Variants in PROM1 observed in about 807,000 individuals in gnomAD.
PROM1 encodes prominin-1.
A neutral mutation model predicts 116.9 loss-of-function variants in PROM1; 105 were observed. The ratio of observed to expected loss-of-function variants is 0.90; its 90% confidence interval spans 0.77 to 1.06. The LOEUF is 1.06. Among genes scored for constraint, PROM1 ranks in the 50% least tolerant of loss-of-function variants. PROM1 has a pLI of 0.00. For missense variants in PROM1, 1,122 were observed against 1,045.2 expected, an observed-to-expected ratio of 1.07 and a Z score of -1.01; for synonymous variants, 393 against 387.0, an observed-to-expected ratio of 1.02 and a Z score of -0.18.
chr4:16,020,761 G>A (rs972680609), intron 8 of PROM1, among the ~76,000 whole-genome samples: 1 of 152,088 alleles, frequency 6.6e-6, no homozygotes, highest in Non-Finnish European at 1.5e-5. Flanking sequence ...TCTAGCCCAT[G>A]GATAATATTC....
chr4:16,054,727 G>A (rs141576182), intron 2 of PROM1, among the ~76,000 whole-genome samples: 22 of 152,122 alleles, frequency 1.4e-4, no homozygotes, highest in Middle Eastern at 3.4e-3. Flanking sequence ...CTTCAAATGA[G>A]ACCCCTTCAA....
chr4:15,987,616 G>T, intron 20 of PROM1, 47 bp downstream of exon 20: 1 of 1,547,776 alleles, frequency 6.5e-7, no homozygotes, highest in Non-Finnish European at 8.8e-7. Flanking sequence ...TCTTTGTGTG[G>T]TATTTTATAA....
intron 23 of PROM1, among the ~76,000 whole-genome samples, chr4:15,984,020 CAGG>C (rs139332768): frequency 2.0e-5 from 3 of 152,296 alleles, no homozygotes; most frequent in African/African-American, 7.2e-5. Context: ...TCTGAACTAA[CAGG>C]AGTTTTCTCC....
chr4:15,990,501 G>A (rs528053701), intron 18 of PROM1, among the ~76,000 whole-genome samples: 3 of 152,286 alleles, frequency 2.0e-5, no homozygotes, highest in Admixed American at 6.5e-5. Flanking sequence ...CACAGCCCCA[G>A]GTACTATTCC....
At chr4:16,035,071 A>C (rs963579136) in intron 4 of PROM1, among the ~76,000 whole-genome samples, 5 of 152,222 alleles carry the variant, frequency 3.3e-5, no homozygotes, top group Admixed American at 6.5e-5. Flanking sequence ...CTTAAAAAAA[A>C]GAGTGGCTGA....
chr4:16,010,303 T>G (rs1438438569), intron 11 of PROM1, among the ~76,000 whole-genome samples: 2 of 152,144 alleles, frequency 1.3e-5, no homozygotes, highest in South Asian at 4.1e-4. Flanking sequence ...TGTATCCAAG[T>G]GATTCTTGAC....
At chr4:16,050,396 C>T (rs1190594029) in intron 2 of PROM1, among the ~76,000 whole-genome samples, 6 of 152,128 alleles carry the variant, frequency 3.9e-5, no homozygotes, top group Non-Finnish European at 7.4e-5. Flanking sequence ...GTCTGTTGCC[C>T]GTGCTAGAGT....
intron 2 of PROM1, among the ~76,000 whole-genome samples, chr4:16,039,851 A>T (rs550298337): frequency 6.6e-6 from 1 of 152,302 alleles, no homozygotes; most frequent in African/African-American, 2.4e-5. Flanking sequence ...GAGTATTTGC[A>T]AATTCTCACA....
At position 16,057,218 on chromosome 4, in the gene PROM1, A is replaced by C. The variant is rs140934961; in HGVS notation, c.221-18217T>G. Among the ~76,000 whole-genome samples, 400 of 152,324 alleles carry C rather than the reference A, an allele frequency of 2.6e-3. 2 individuals are homozygous for C. The highest frequency in any genetic ancestry group is 8.9e-3 in the African/African-American group (368 of 41,574). ...TGGCACATAAAACTCAGCATGTCAC[A>C]ATCAATCACCCTTCTGGAAGCCTGC... On this transcript the variant is annotated intron_variant, in intron 2 of 27. Coordinates refer to ENST00000447510, the MANE Select transcript of PROM1 (RefSeq NM_006017.3).
chr4:16,024,572 T>C (rs1023510769), intron 6 of PROM1, among the ~76,000 whole-genome samples: 3 of 152,194 alleles, frequency 2.0e-5, no homozygotes, highest in African/African-American at 7.2e-5. Context: ...AAAACGATGT[T>C]CTGAATAGGT....
chr4:16,036,194 T>C (rs1406752508), intron 3 of PROM1, among the ~76,000 whole-genome samples: 2 of 152,206 alleles, frequency 1.3e-5, no homozygotes, highest in African/African-American at 2.4e-5. Flanking sequence ...TTCCCATGCT[T>C]AAAGCGATCA....
chr4:16,038,902 CATACTTCGTATTTTTA>C, intron 3 of PROM1, 28 bp downstream of exon 3: 2 of 1,437,102 alleles, frequency 1.4e-6, no homozygotes, highest in Non-Finnish European at 1.8e-6. Flanking sequence ...AAATTTTTCT[CATACTTCGTATTTTTA>C]ATAATAAATA....
intron 13 of PROM1, among the ~76,000 whole-genome samples, chr4:16,001,796 T>C (rs1255016926): frequency 1.3e-5 from 2 of 152,030 alleles, no homozygotes; most frequent in South Asian, 2.1e-4. Context: ...AGGAGAGCTA[T>C]AGGGAAGAGG....
intron 5 of PROM1, among the ~76,000 whole-genome samples, chr4:16,027,430 A>T (rs943078017): frequency 2.6e-5 from 4 of 152,108 alleles, no homozygotes; most frequent in Non-Finnish European, 1.5e-5. Context: ...GATGTTCACA[A>T]TGGGGACTCT....
intron 23 of PROM1, among the ~76,000 whole-genome samples, chr4:15,983,154 T>A (rs567844527): frequency 7.9e-5 from 12 of 152,266 alleles, no homozygotes; most frequent in Non-Finnish European, 1.8e-4. Context: ...AGGAAAAGCA[T>A]AGAGTTCTAC....
At chr4:16,038,265 A>G (rs1344542790) in intron 3 of PROM1, among the ~76,000 whole-genome samples, 1 of 152,176 alleles carries the variant, frequency 6.6e-6, no homozygotes, top group Non-Finnish European at 1.5e-5. Context: ...TTAACAAACG[A>G]TGTTTTATAA....
chr4:16,029,660 C>T (rs892622481), intron 5 of PROM1, among the ~76,000 whole-genome samples: 3 of 152,126 alleles, frequency 2.0e-5, no homozygotes, highest in South Asian at 4.1e-4. Flanking sequence ...TTCCCTTCAC[C>T]CCCTAAAGAA....
At position 16,048,838 on chromosome 4, in the gene PROM1, A is replaced by G. The variant is rs1737173002; in HGVS notation, c.221-9837T>C. 4.6e-5 allele frequency among the ~76,000 whole-genome samples: 7 copies of G among 152,246 alleles called. No individual in the cohort carries two copies. The South Asian group carries it at 1.5e-3, about 32-fold the overall frequency. ...GCCATGTGCTCACAGCCACGTGTGG[A>G]CTGTGATTTTACTTTACCTGGATGT... On this transcript the variant is annotated intron_variant, in intron 2 of 27. Coordinates refer to ENST00000447510, the MANE Select transcript of PROM1 (RefSeq NM_006017.3).
chr4:16,013,709 T>C (rs1436532016), intron 10 of PROM1, among the ~76,000 whole-genome samples: 1 of 152,122 alleles, frequency 6.6e-6, no homozygotes, highest in East Asian at 1.9e-4. Context: ...TGGAGACATT[T>C]TGGTTATCAC....
Sources: gnomAD v4.1 joint callset for allele counts (sites outside exome capture counted in the v4.1 genomes callset) on GRCh38, gnomAD v4.1.1 for gene constraint, MANE v1.5 for transcripts, NCBI Gene and HGNC (gene_info 2026-07-23, HGNC 2026-07-21) for gene names.